Variants in HTR7 observed in about 807,000 individuals in gnomAD.
HTR7 encodes 5-hydroxytryptamine receptor 7, also known as 5-HT-7.
A neutral mutation model predicts 34.0 loss-of-function variants in HTR7; 16 were observed. The ratio of observed to expected loss-of-function variants is 0.47; its 90% CI spans 0.32 to 0.71. The LOEUF (loss-of-function observed/expected upper bound fraction) is 0.71. HTR7 is among the 30% of genes least tolerant of loss of function. The probability of loss-of-function intolerance (pLI) is 0.04; values close to 1 mark genes in which losing one functional copy is unlikely to be tolerated. For synonymous variants in HTR7, 265 were observed against 260.2 expected, an observed-to-expected ratio of 1.02 and a Z score of -0.18; for missense variants, 504 against 625.5, an observed-to-expected ratio of 0.81 and a Z score of 2.07.
chr10:90,758,388 T>C (rs946666624), intron 1 of HTR7, among the ~76,000 whole-genome samples: 2 of 130,986 alleles, frequency 1.5e-5, no homozygotes, highest in Admixed American at 7.5e-5. Context: ...CAGACACACC[T>C]GAAAAGCAAA....
At chr10:90,814,376 G>A (rs1845865799) in intron 1 of HTR7, among the ~76,000 whole-genome samples, 1 of 152,124 alleles carries the variant, frequency 6.6e-6, no homozygotes, top group Non-Finnish European at 1.5e-5. Flanking sequence ...CCTTCCAAAT[G>A]GGCACCCTAT....
chr10:90,840,974 C>G (rs1373330570), intron 1 of HTR7, among the ~76,000 whole-genome samples: 1 of 152,198 alleles, frequency 6.6e-6, no homozygotes, highest in Non-Finnish European at 1.5e-5. Flanking sequence ...TAAGTACAGT[C>G]CCTGACACTG....
At chr10:90,779,002 C>T (rs765056783) in intron 1 of HTR7, among the ~76,000 whole-genome samples, 7 of 152,196 alleles carry the variant, frequency 4.6e-5, no homozygotes, top group African/African-American at 9.6e-5. Flanking sequence ...AGATCAGGCA[C>T]TCCAAACTTT....
At chr10:90,831,140 A>G (rs1476441175) in intron 1 of HTR7, among the ~76,000 whole-genome samples, 1 of 152,208 alleles carries the variant, frequency 6.6e-6, no homozygotes, top group East Asian at 1.9e-4. Flanking sequence ...CAAGAAGACT[A>G]TTTGCAGACC....
At chr10:90,774,887 A>C (rs1300995910) in intron 1 of HTR7, among the ~76,000 whole-genome samples, 1 of 152,234 alleles carries the variant, frequency 6.6e-6, no homozygotes, top group Non-Finnish European at 1.5e-5. Flanking sequence ...GAAATACATC[A>C]CATACCCATT....
chr10:90,847,232 G>T (rs562320731), intron 1 of HTR7, among the ~76,000 whole-genome samples: 1 of 152,056 alleles, frequency 6.6e-6, no homozygotes, highest in African/African-American at 2.4e-5. Context: ...TGTTGTAGAG[G>T]GGATCAGTGG....
intron 1 of HTR7, among the ~76,000 whole-genome samples, chr10:90,844,725 T>TAAAAAAAAAAAA (rs1564701422): frequency 7.2e-5 from 2 of 27,794 alleles, no homozygotes; most frequent in African/African-American, 2.0e-4. Flanking sequence ...AGACTCCGTC[T>TAAAAAAAAAAAA]CAAAAAAAAA....
intron 1 of HTR7, among the ~76,000 whole-genome samples, chr10:90,846,684 TG>T (rs1447117961): frequency 6.6e-6 from 1 of 152,244 alleles, no homozygotes; most frequent in Non-Finnish European, 1.5e-5. Context: ...AGGCAGTTTC[TG>T]GGAAGCTGAA....
At chr10:90,760,913 T>C (rs568828303) in intron 1 of HTR7, among the ~76,000 whole-genome samples, 4 of 152,246 alleles carry the variant, frequency 2.6e-5, no homozygotes, top group Admixed American at 6.5e-5. Context: ...ACGTACCCTA[T>C]AAATATGTAC....
At position 90,761,556 on chromosome 10, in the gene HTR7, TCTATGGGCCACATAGATGTGTTA is replaced by T. The variant is rs535680056; in HGVS notation, c.540-11985_540-11963del. Reference sequence around the variant, plus strand: ...CCTCCTCGTCACAAGCGTGTGGCCATCTATGGGCCACATAGATGTGTTACTATGTGAGGTAACACATCTATTAC... The same window carrying T: ...CCTCCTCGTCACAAGCGTGTGGCCATCTATGTGAGGTAACACATCTATTAC... On this transcript the variant is annotated intron_variant, in intron 1 of 3. Coordinates refer to ENST00000336152, the MANE Select transcript of HTR7 (RefSeq NM_019859.4). Among the ~76,000 whole-genome samples the T allele has an allele frequency of 1.4e-3, 213 of 152,190 alleles. 1 individual carries two copies. The highest frequency in any genetic ancestry group is 4.9e-3 in the African/African-American group (205 of 41,522).
At chr10:90,838,606 C>A (rs878873112) in intron 1 of HTR7, among the ~76,000 whole-genome samples, 2 of 152,204 alleles carry the variant, frequency 1.3e-5, no homozygotes, top group Admixed American at 1.3e-4. Context: ...AGAATAAAGT[C>A]CAAACTCTTT....
At chr10:90,792,664 A>G (rs1845476944) in intron 1 of HTR7, among the ~76,000 whole-genome samples, 1 of 152,154 alleles carries the variant, frequency 6.6e-6, no homozygotes, top group Non-Finnish European at 1.5e-5. Flanking sequence ...TAAAACTATC[A>G]TAAGTTGAAA....
At chr10:90,758,350 A>AAAAAAAAAAG (rs1844871497) in intron 1 of HTR7, among the ~76,000 whole-genome samples, 1 of 146,510 alleles carries the variant, frequency 6.8e-6, no homozygotes. Flanking sequence ...GTCTCAAAAA[A>AAAAAAAAAAG]AAAAAAAAGG....
In HTR7 at chr10:90,749,274, A is replaced by T. The variant is rs1343943061; in HGVS notation, c.860T>A (p.Ile287Asn). ...GFPRVEPDSVIALNGIVKLQK... is the reference protein window; with the variant it reads ...GFPRVEPDSVNALNGIVKLQK... ...GAGCTTCACTATGCCATTCAGGGCG[A>T]TGACGCTGTCTGGCTCCACTCGAGG... Residue 287 changes from isoleucine (I) to asparagine (N), a missense_variant, in exon 2 of 4, where the codon ATC (isoleucine) becomes AAC (asparagine). This residue lies in a region of HTR7 where 57 missense variants were observed against 47.5 expected (regional missense o/e 1.20). Transcript: ENST00000336152. The surrounding 1 kb of genome is among the most constrained non-coding windows in gnomAD (Gnocchi z 4.2). 2 of 1,614,050 alleles carry T rather than the reference A, an allele frequency of 1.2e-6. No individual in the cohort carries two copies. The highest frequency in any genetic ancestry group is 1.7e-6 in the Non-Finnish European group (2 of 1,180,028).
intron 1 of HTR7, among the ~76,000 whole-genome samples, chr10:90,781,971 C>G (rs1845311542): frequency 6.6e-6 from 1 of 152,256 alleles, no homozygotes; most frequent in African/African-American, 2.4e-5. Flanking sequence ...GACCTTGACT[C>G]TCTCACTTCT....
At chr10:90,808,138 C>T (rs1224549893) in intron 1 of HTR7, among the ~76,000 whole-genome samples, 1 of 152,202 alleles carries the variant, frequency 6.6e-6, no homozygotes, top group Non-Finnish European at 1.5e-5. Flanking sequence ...TCAGAGGTGT[C>T]AGATCACGCA....
At chr10:90,834,031 AG>A (rs1846217221) in intron 1 of HTR7, among the ~76,000 whole-genome samples, 1 of 152,238 alleles carries the variant, frequency 6.6e-6, no homozygotes, top group Non-Finnish European at 1.5e-5. Flanking sequence ...TTACAAGGAT[AG>A]GTAAAAGGCA....
chr10:90,795,542 A>G (rs1016272776), intron 1 of HTR7, among the ~76,000 whole-genome samples: 2 of 152,216 alleles, frequency 1.3e-5, no homozygotes, highest in African/African-American at 4.8e-5. Flanking sequence ...AGGAGATGGC[A>G]AGATAGGAGT....
chr10:90,777,685 G>A (rs568286275), intron 1 of HTR7, among the ~76,000 whole-genome samples: 65 of 152,248 alleles, frequency 4.3e-4, no homozygotes, highest in Admixed American at 1.1e-3. Context: ...ATCATAGCAC[G>A]AAGAGAGGCT....
Sources: allele counts gnomAD v4.1 joint callset (sites outside exome capture counted in the v4.1 genomes callset), GRCh38; gene constraint gnomAD v4.1.1; regional missense constraint gnomAD v4.1.1; non-coding constraint Gnocchi (gnomAD v3.1); transcripts MANE v1.5; gene names NCBI Gene and HGNC (gene_info 2026-07-23, HGNC 2026-07-21).